RAB5A: variants seen among roughly 807,000 people sequenced by gnomAD.
The protein encoded by RAB5A is ras-related protein Rab-5A.
A neutral mutation model predicts 25.7 loss-of-function variants in RAB5A; 8 were observed. That is an observed-to-expected ratio of 0.31 (90% CI 0.18 to 0.56). The LOEUF (loss-of-function observed/expected upper bound fraction) is 0.56. RAB5A is among the 20% of genes least tolerant of loss of function. RAB5A has a pLI of 0.91. For missense variants in RAB5A, 192 were observed against 259.7 expected (o/e 0.74, Z 1.79); for synonymous variants, 98 against 89.8 (o/e 1.09, Z -0.52).
chr3:19,963,390 G>A (rs369742652), intron 2 of RAB5A, among the ~76,000 whole-genome samples: 22 of 99,992 alleles, frequency 2.2e-4, no homozygotes, highest in African/African-American at 8.7e-4. Flanking sequence ...ACTTATTTTC[G>A]TAAGATCAAT....
Position 19,983,958 on chromosome 3 carries a change from T to C in RAB5A, c.*135T>C, listed in dbSNP as rs1468555586. On this transcript the variant is annotated 3_prime_UTR_variant, in exon 6 of 6. Transcript: ENST00000273047. ...ATAGAGTCAAGTTTCTAATACAGAA[T>C]TATTTTAAGTGTTTTGAACTTAATT... 1 of 640,136 alleles carries C rather than the reference T, an allele frequency of 1.6e-6. No individual in the cohort carries two copies. Among genetic ancestry groups the C allele is most frequent in the East Asian group, 2.8e-5 (1 of 35,556 alleles). The allele number at this position is 640,136 out of a possible 1,614,324, so 39.7% of individuals were successfully genotyped here.
At chr3:19,960,325 T>TG (rs1332459324) in intron 2 of RAB5A, among the ~76,000 whole-genome samples, 1 of 152,092 alleles carries the variant, frequency 6.6e-6, no homozygotes, top group Non-Finnish European at 1.5e-5. Context: ...GTTTTTGAGA[T>TG]GGGGTCTCGC....
At chr3:19,980,267 G>T (rs760970903) in intron 5 of RAB5A, 1 of 152,082 alleles carries the variant, frequency 6.6e-6, no homozygotes, top group Non-Finnish European at 1.5e-5. Flanking sequence ...TACCAGATGG[G>T]CTTTAGTTTG....
At chr3:19,972,422 A>G (rs978652548) in intron 2 of RAB5A, among the ~76,000 whole-genome samples, 12 of 152,254 alleles carry the variant, frequency 7.9e-5, no homozygotes, top group Non-Finnish European at 1.8e-4. Context: ...GTTATTACAC[A>G]GAGAACTCTG....
chr3:19,975,965 G>A (rs1315118409), intron 3 of RAB5A, 82 bp from the exon 4 acceptor site: 1 of 1,507,536 alleles, frequency 6.6e-7, no homozygotes, highest in Admixed American at 2.2e-5. Flanking sequence ...ACTTGGGACA[G>A]TCTTTTAAAG....
At chr3:19,956,894 T>C (rs1167887028) in intron 2 of RAB5A, among the ~76,000 whole-genome samples, 1 of 152,080 alleles carries the variant, frequency 6.6e-6, no homozygotes, top group Non-Finnish European at 1.5e-5. Flanking sequence ...ACCTAGTGCA[T>C]AGCGTTTGAT....
rs759467773 is a variant in RAB5A, at chr3:19,976,049, G to A, written c.318G>A (p.Glu106=). The stretch of plus-strand genomic sequence containing the variant: ...ATGGCTGTTTCTTTGTTTAACAGGA[G>A]TCCTTTGCAAGAGCAAAAAATTGGG... ...AIVVYDITNE[E]SFARAKNWVK... The change falls in exon 4 of 6, where the codon GAG becomes GAA. Residue 106 remains glutamate, a splice_region_variant and synonymous_variant. Coordinates refer to ENST00000273047, the MANE Select transcript of RAB5A (RefSeq NM_004162.5). 4 of 1,610,228 alleles carry A rather than the reference G, an allele frequency of 2.5e-6. No homozygotes were observed. The highest frequency in any genetic ancestry group is 3.4e-6 in the Non-Finnish European group (4 of 1,179,046).
chr3:19,969,048 T>TG (rs1696706019), intron 2 of RAB5A, among the ~76,000 whole-genome samples: 14 of 139,040 alleles, frequency 1.0e-4, no homozygotes, highest in Admixed American at 4.3e-4. Context: ...TTTTTTGGTT[T>TG]TTTTTTTTTT....
At position 19,947,410 on chromosome 3, in the gene RAB5A, ACGC is replaced by A. The variant is rs1043367547; in HGVS notation, c.-194_-192del. The A allele has an allele frequency of 1.3e-5, 2 of 156,238 alleles. No individual in the cohort carries two copies. Among genetic ancestry groups the A allele is most frequent in the Non-Finnish European group, 1.4e-5 (1 of 71,258 alleles). 9.7% of individuals were successfully genotyped at this position (156,238 alleles called of 1,614,324 possible). A position where few individuals can be genotyped will look rare whatever the true frequency, so the allele number is the denominator to read the frequency against. ...AGGGGAGCGGCGCTAAGAGCAGGCG[ACGC>A]CGCCGCCGCCACCACCACCGCCATA... On this transcript the variant is annotated 5_prime_UTR_variant, in exon 1 of 6. Coordinates refer to ENST00000273047, the MANE Select transcript of RAB5A (RefSeq NM_004162.5).
intron 2 of RAB5A, among the ~76,000 whole-genome samples, chr3:19,971,807 ATGT>A (rs2125189553): frequency 6.6e-6 from 1 of 152,106 alleles, no homozygotes; most frequent in East Asian, 1.9e-4. Flanking sequence ...AAATATCTTG[ATGT>A]TGTTTTTGAG....
chr3:19,982,777 A>G (rs77001658), intron 5 of RAB5A, among the ~76,000 whole-genome samples: 25,418 of 151,510 alleles, frequency 0.17, 2,074 homozygotes, highest in South Asian at 0.21. Context: ...AAAAAAAAAA[A>G]AGAGAGCATG....
intron 1 of RAB5A, chr3:19,947,753 G>C (rs1454491765): frequency 6.6e-6 from 1 of 152,368 alleles, no homozygotes; most frequent in Non-Finnish European, 1.5e-5. Context: ...CTGAGGGAGC[G>C]ACGGGTGTCA....
intron 2 of RAB5A, among the ~76,000 whole-genome samples, chr3:19,959,142 G>T (rs1388840512): frequency 6.6e-6 from 1 of 152,118 alleles, no homozygotes; most frequent in African/African-American, 2.4e-5. Flanking sequence ...CAAGCTGTTT[G>T]GTAGAATGAT....
At chr3:19,953,598 G>A (rs892465266) in intron 2 of RAB5A, among the ~76,000 whole-genome samples, 6 of 151,948 alleles carry the variant, frequency 3.9e-5, no homozygotes, top group African/African-American at 1.4e-4. Flanking sequence ...AGTAGAGATG[G>A]GGTTTCACCA....
chr3:19,962,777 G>A (rs753947931), intron 2 of RAB5A, among the ~76,000 whole-genome samples: 2 of 152,022 alleles, frequency 1.3e-5, no homozygotes, highest in Non-Finnish European at 2.9e-5. Flanking sequence ...TATATCTGCA[G>A]TATATATTTT....
At chr3:19,951,525 G>A (rs767127898) in intron 2 of RAB5A, among the ~76,000 whole-genome samples, 2 of 152,102 alleles carry the variant, frequency 1.3e-5, no homozygotes, top group Non-Finnish European at 2.9e-5. Context: ...ACTGCTAGAT[G>A]TACTTTTTTT....
intron 2 of RAB5A, among the ~76,000 whole-genome samples, chr3:19,971,561 T>C (rs965803149): frequency 1.3e-5 from 2 of 152,104 alleles, no homozygotes; most frequent in Non-Finnish European, 2.9e-5. Context: ...AACCTCTGCC[T>C]CCCGAGTTCA....
At chr3:19,961,368 G>A (rs1225505140) in intron 2 of RAB5A, among the ~76,000 whole-genome samples, 1 of 152,154 alleles carries the variant, frequency 6.6e-6, no homozygotes, top group African/African-American at 2.4e-5. Flanking sequence ...TACTGTGTAT[G>A]TGTGTATTTC....
chr3:19,982,695 A>G (rs1696952512), intron 5 of RAB5A, among the ~76,000 whole-genome samples: 1 of 151,898 alleles, frequency 6.6e-6, no homozygotes, highest in Non-Finnish European at 1.5e-5. Context: ...TTTGGAACTC[A>G]GGACTGCAGT....
Sources: gnomAD v4.1 joint callset for allele counts (sites outside exome capture counted in the v4.1 genomes callset) on GRCh38, gnomAD v4.1.1 for gene constraint, MANE v1.5 for transcripts, NCBI Gene and HGNC (gene_info 2026-07-23, HGNC 2026-07-21) for gene names.